KIAA1217: variants seen among roughly 807,000 people sequenced by gnomAD.
The protein encoded by KIAA1217 is sickle tail protein homolog.
A neutral mutation model predicts 163.9 loss-of-function variants in KIAA1217; 88 were observed. That is an observed-to-expected ratio of 0.54 (90% confidence interval 0.45 to 0.64). The LOEUF is 0.64. Among genes scored for constraint, KIAA1217 ranks in the 30% least tolerant of loss-of-function variants. The pLI, the probability that KIAA1217 is intolerant of heterozygous loss-of-function variation, is 0.00. For synonymous variants in KIAA1217, 903 were observed against 923.1 expected (o/e 0.98, Z 0.39); for missense variants, 2,372 against 2,475.0 (o/e 0.96, Z 0.88).
intron 1 of KIAA1217, among the ~76,000 whole-genome samples, chr10:23,837,977 A>G (rs1002447151): frequency 1.3e-5 from 2 of 152,128 alleles, no homozygotes; most frequent in Admixed American, 6.6e-5. Flanking sequence ...CATTCCTTCA[A>G]CAAAACTCTG....
chr10:24,526,873 G>A (rs906520060), intron 13 of KIAA1217, among the ~76,000 whole-genome samples: 1 of 152,114 alleles, frequency 6.6e-6, no homozygotes, highest in Non-Finnish European at 1.5e-5. Flanking sequence ...TGAAGGTGGT[G>A]GCTATTATTT....
intron 2 of KIAA1217, among the ~76,000 whole-genome samples, chr10:24,028,501 T>C (rs1286457111): frequency 1.3e-5 from 2 of 152,076 alleles, no homozygotes; most frequent in Admixed American, 1.3e-4. Context: ...ACTAACAATA[T>C]ATTGATTAGA....
intron 1 of KIAA1217, among the ~76,000 whole-genome samples, chr10:23,837,959 G>T (rs7916384): frequency 6.6e-6 from 1 of 151,958 alleles, no homozygotes; most frequent in Admixed American, 6.6e-5. Flanking sequence ...TGCTTAGCCT[G>T]CATGACCCAT....
At chr10:23,950,516 C>A (rs962848937) in intron 1 of KIAA1217, among the ~76,000 whole-genome samples, 1 of 151,534 alleles carries the variant, frequency 6.6e-6, no homozygotes, top group African/African-American at 2.4e-5. Context: ...ACGTATTGAG[C>A]ACGAAAATTG....
intron 2 of KIAA1217, among the ~76,000 whole-genome samples, chr10:24,366,918 A>G (rs1357055545): frequency 6.6e-6 from 1 of 152,240 alleles, no homozygotes; most frequent in Non-Finnish European, 1.5e-5. Context: ...ACCCATTGCT[A>G]GTTAAGGCTT....
intron 1 of KIAA1217, among the ~76,000 whole-genome samples, chr10:23,951,098 G>A (rs542015357): frequency 6.6e-6 from 1 of 152,288 alleles, no homozygotes; most frequent in African/African-American, 2.4e-5. Context: ...GCAGTACTGT[G>A]AGAACAGGAA....
At chr10:23,818,727 T>C (rs1837482660) in intron 1 of KIAA1217, among the ~76,000 whole-genome samples, 1 of 152,124 alleles carries the variant, frequency 6.6e-6, no homozygotes, top group African/African-American at 2.4e-5. Context: ...TTGGCAATAA[T>C]TTGTCCTTTG....
intron 1 of KIAA1217, among the ~76,000 whole-genome samples, chr10:23,788,292 G>C (rs1461004541): frequency 6.6e-6 from 1 of 152,138 alleles, no homozygotes; most frequent in Non-Finnish European, 1.5e-5. Flanking sequence ...TAGCCCAGTG[G>C]GAGAAACATG....
intron 1 of KIAA1217, among the ~76,000 whole-genome samples, chr10:23,800,132 A>C (rs925760632): frequency 3.9e-5 from 6 of 152,212 alleles, no homozygotes; most frequent in African/African-American, 2.4e-5. Context: ...ATGGAAGATC[A>C]AAATTCATTT....
chr10:24,542,676 C>A lies in KIAA1217; in HGVS notation c.3535-17C>A. The A allele has an allele frequency of 6.2e-7, 1 of 1,611,368 alleles. No individual in the cohort carries two copies. Among genetic ancestry groups the A allele is most frequent in the South Asian group, 1.1e-5 (1 of 91,028 alleles). On this transcript the variant is annotated splice_polypyrimidine_tract_variant and intron_variant, in intron 17 of 20. Transcript: ENST00000376454. Reference sequence around the variant, plus strand: ...ATGTGGTTTTGTGGAGTAACATGTCCTACACTATTCTACCAGAATTTGGAA... The same window carrying A: ...ATGTGGTTTTGTGGAGTAACATGTCATACACTATTCTACCAGAATTTGGAA...
intron 2 of KIAA1217, among the ~76,000 whole-genome samples, chr10:24,069,049 C>T (rs925843018): frequency 5.9e-5 from 9 of 152,186 alleles, no homozygotes; most frequent in Admixed American, 5.2e-4. Context: ...AACTGCTTCC[C>T]TCCACAGGGA....
At chr10:23,704,013 C>T (rs1044415320) in intron 1 of KIAA1217, among the ~76,000 whole-genome samples, 1 of 149,592 alleles carries the variant, frequency 6.7e-6, no homozygotes, top group African/African-American at 2.5e-5. Context: ...AATAGAACAT[C>T]AGGGTGGGTC....
At chr10:24,309,350 G>GCGCA (rs1405564257) in intron 2 of KIAA1217, among the ~76,000 whole-genome samples, 16 of 132,284 alleles carry the variant, frequency 1.2e-4, no homozygotes, top group African/African-American at 1.0e-4. Flanking sequence ...ACGCGCGCGC[G>GCGCA]CACACACACA....
chr10:23,853,241 CA>C (rs1839451255), intron 1 of KIAA1217, among the ~76,000 whole-genome samples: 1 of 152,128 alleles, frequency 6.6e-6, no homozygotes, highest in Admixed American at 6.5e-5. Context: ...TGAATTTTGT[CA>C]AAGGCCTTTT....
intron 1 of KIAA1217, among the ~76,000 whole-genome samples, chr10:23,949,460 G>A (rs554517558): frequency 1.4e-4 from 21 of 152,106 alleles, no homozygotes; most frequent in Admixed American, 5.2e-4. Context: ...GTGAGAATTC[G>A]TTTCCCTGAC....
chr10:24,434,337 C>T (rs1001690535), intron 4 of KIAA1217, among the ~76,000 whole-genome samples: 1 of 152,020 alleles, frequency 6.6e-6, no homozygotes, highest in African/African-American at 2.4e-5. Flanking sequence ...CCATGCCTGG[C>T]CTCATCTCTC....
chr10:24,536,977 C>G (rs760064954), intron 17 of KIAA1217, 84 bp downstream of exon 17: 7 of 1,492,438 alleles, frequency 4.7e-6, no homozygotes, highest in Middle Eastern at 2.3e-4. Context: ...TATACTCGAC[C>G]TTTGTCCCCT....
chr10:23,766,710 T>C (rs1257312368), intron 1 of KIAA1217, among the ~76,000 whole-genome samples: 4 of 151,788 alleles, frequency 2.6e-5, no homozygotes, highest in Non-Finnish European at 5.9e-5. Flanking sequence ...TGCCTCAGCC[T>C]CCCGAGTAGC....
chr10:23,926,708 G>C (rs1843035128), intron 1 of KIAA1217, among the ~76,000 whole-genome samples: 1 of 139,106 alleles, frequency 7.2e-6, no homozygotes, highest in South Asian at 2.2e-4. Flanking sequence ...CTGGGTGACA[G>C]AGCAAGATTC....
Sources: gnomAD v4.1 joint callset for allele counts (sites outside exome capture counted in the v4.1 genomes callset) on GRCh38, gnomAD v4.1.1 for gene constraint, MANE v1.5 for transcripts, NCBI Gene and HGNC (gene_info 2026-07-23, HGNC 2026-07-21) for gene names.